CTBP2: variants seen among roughly 807,000 people sequenced by gnomAD.
The protein encoded by CTBP2 is C-terminal binding protein 2.
Under a neutral mutation model 80.3 loss-of-function variants are expected in CTBP2, and 30 were observed. The ratio of observed to expected loss-of-function variants is 0.37; its 90% CI spans 0.28 to 0.51. The LOEUF (loss-of-function observed/expected upper bound fraction) is 0.51. Ranked by LOEUF, CTBP2 falls within the 20% of genes least tolerant of loss-of-function variation. CTBP2 has a pLI of 0.93. For synonymous variants in CTBP2, 594 were observed against 587.4 expected, an observed-to-expected ratio of 1.01 and a Z score of -0.16; for missense variants, 1,212 against 1,375.3, an observed-to-expected ratio of 0.88 and a Z score of 1.88.
chr10:125,055,518 C>T (rs1028280194), intron 2 of CTBP2, among the ~76,000 whole-genome samples: 1 of 152,148 alleles, frequency 6.6e-6, no homozygotes, highest in African/African-American at 2.4e-5. Context: ...ACTCCTAGTC[C>T]TATGTCCTTA....
chr10:125,156,520 G>A (rs551464487), intron 1 of CTBP2, among the ~76,000 whole-genome samples: 1 of 152,230 alleles, frequency 6.6e-6, no homozygotes, highest in South Asian at 2.1e-4. Context: ...TCTCAGCAGG[G>A]CTACTCCCTC....
At chr10:125,070,645 C>G (rs1845328082) in intron 2 of CTBP2, among the ~76,000 whole-genome samples, 2 of 151,550 alleles carry the variant, frequency 1.3e-5, no homozygotes, top group South Asian at 4.1e-4. Flanking sequence ...GTATTATCAT[C>G]ACAATTTTTA....
intron 2 of CTBP2, among the ~76,000 whole-genome samples, chr10:125,078,681 A>G (rs1393532324): frequency 1.3e-5 from 2 of 152,092 alleles, no homozygotes; most frequent in Non-Finnish European, 2.9e-5. Flanking sequence ...CAATCACCGG[A>G]TCCTGTAGAG....
At chr10:125,010,219 T>TTTAAAAA (rs552007928) in intron 1 of CTBP2, among the ~76,000 whole-genome samples, 7 of 105,996 alleles carry the variant, frequency 6.6e-5, no homozygotes, top group African/African-American at 2.6e-4. Context: ...ATTTTAAGGT[T>TTTAAAAA]AAAAAAAAAA....
intron 1 of CTBP2, among the ~76,000 whole-genome samples, chr10:125,017,182 C>T (rs1251577995): frequency 1.3e-5 from 2 of 152,214 alleles, no homozygotes; most frequent in African/African-American, 2.4e-5. Context: ...CAGGATGAGG[C>T]CCTGGTGAAA....
chr10:125,074,731 CTTCT>C (rs1846033112), intron 2 of CTBP2, among the ~76,000 whole-genome samples: 2 of 152,366 alleles, frequency 1.3e-5, no homozygotes, highest in South Asian at 2.1e-4. Flanking sequence ...TCTCCAGTAA[CTTCT>C]TTCTTACCTT....
At chr10:125,059,236 C>T (rs981456028) in intron 2 of CTBP2, among the ~76,000 whole-genome samples, 2 of 152,084 alleles carry the variant, frequency 1.3e-5, no homozygotes, top group African/African-American at 2.4e-5. Flanking sequence ...AGGAGAAAAT[C>T]AGCGATATGA....
chr10:124,998,340 T>C, intron 3 of CTBP2, 170 bp from the exon 6 acceptor site: 1 of 678,918 alleles, frequency 1.5e-6, no homozygotes, highest in East Asian at 2.7e-5. Context: ...CCTCTGGCTC[T>C]GATGCATGGG....
At chr10:125,008,415 C>A (rs141045318) in intron 1 of CTBP2, among the ~76,000 whole-genome samples, 16 of 152,224 alleles carry the variant, frequency 1.1e-4, no homozygotes, top group Non-Finnish European at 1.8e-4. Flanking sequence ...GAAGTCCCTG[C>A]AGGTTGCAGT....
chr10:125,042,103 G>A (rs1200881216), intron 2 of CTBP2, among the ~76,000 whole-genome samples: 2 of 151,966 alleles, frequency 1.3e-5, no homozygotes, highest in African/African-American at 4.8e-5. Flanking sequence ...CAGCCTCTGG[G>A]TCTGGTCTGG....
At chr10:125,039,471 G>A (rs1959181792) in intron 2 of CTBP2, among the ~76,000 whole-genome samples, 1 of 152,214 alleles carries the variant, frequency 6.6e-6, no homozygotes, top group Middle Eastern at 3.2e-3. Context: ...CCAATTTGAA[G>A]TGTAATAAAT....
intron 2 of CTBP2, among the ~76,000 whole-genome samples, chr10:125,076,660 T>G (rs1007414826): frequency 2.0e-5 from 3 of 152,170 alleles, no homozygotes; most frequent in African/African-American, 7.2e-5. Context: ...GAAGACACAC[T>G]TGGCACAAAA....
chr10:125,047,894 T>C (rs1961666395), intron 2 of CTBP2, among the ~76,000 whole-genome samples: 1 of 152,222 alleles, frequency 6.6e-6, no homozygotes, highest in Admixed American at 6.5e-5. Flanking sequence ...ATTAGCTACT[T>C]ATCAAACAAA....
chr10:125,097,300 C>T (rs1178192658), intron 2 of CTBP2, among the ~76,000 whole-genome samples: 2 of 152,198 alleles, frequency 1.3e-5, no homozygotes, highest in Non-Finnish European at 2.9e-5. Context: ...TCTTTTAAAT[C>T]CAATTACAAA....
intron 3 of CTBP2, among the ~76,000 whole-genome samples, chr10:125,036,666 GGGGTGTGTGT>G (rs1329220247): frequency 0.031 from 3,101 of 100,242 alleles, 90 homozygotes; most frequent in African/African-American, 0.1. Context: ...AAAGCTAGAG[GGGGTGTGTGT>G]GTGTGTGTGT....
intron 2 of CTBP2, among the ~76,000 whole-genome samples, chr10:125,073,566 A>T (rs1845841517): frequency 6.6e-6 from 1 of 152,168 alleles, no homozygotes; most frequent in Admixed American, 6.6e-5. Flanking sequence ...TTCAAATGGG[A>T]TTTATTTTTT....
At chr10:125,147,839 G>A (rs1376043311) in intron 1 of CTBP2, among the ~76,000 whole-genome samples, 1 of 152,048 alleles carries the variant, frequency 6.6e-6, no homozygotes. Context: ...CGAGGCCGCA[G>A]TCAGCCGTGA....
intron 1 of CTBP2, among the ~76,000 whole-genome samples, chr10:125,131,053 C>A (rs193007223): frequency 2.0e-5 from 3 of 152,118 alleles, no homozygotes; most frequent in Non-Finnish European, 2.9e-5. Context: ...CAGAGGGAGA[C>A]GCAAGTCTGA....
intron 1 of CTBP2, among the ~76,000 whole-genome samples, chr10:125,134,878 G>GTCT (rs1565005223): frequency 2.1e-5 from 3 of 143,434 alleles, no homozygotes; most frequent in Admixed American, 6.9e-5. Context: ...AGCTCCTCCT[G>GTCT]CCTCCTGCCC....
Sources: allele counts gnomAD v4.1 joint callset (sites outside exome capture counted in the v4.1 genomes callset), GRCh38; gene constraint gnomAD v4.1.1; transcripts MANE v1.5; gene names NCBI Gene and HGNC (gene_info 2026-07-23, HGNC 2026-07-21).